OCA2: variants seen among roughly 807,000 people sequenced by gnomAD.
The protein encoded by OCA2 is P protein.
A neutral mutation model predicts 100.2 loss-of-function variants in OCA2; 77 were observed. The observed-to-expected ratio is 0.77, with a 90% confidence interval of 0.64 to 0.93. The LOEUF (loss-of-function observed/expected upper bound fraction) is 0.93. Among genes scored for constraint, OCA2 ranks in the 40% least tolerant of loss-of-function variants. The pLI is 0.00. For synonymous variants in OCA2, 432 were observed against 439.2 expected (o/e 0.98, Z 0.21); for missense variants, 1,062 against 1,089.1 (o/e 0.98, Z 0.35).
chr15:27,871,948 A>G, intron 19 of OCA2, 26 bp from the exon 20 acceptor site: 2 of 1,562,286 alleles, frequency 1.3e-6, no homozygotes, highest in Non-Finnish European at 1.8e-6. Flanking sequence ...TGTGGTGAGA[A>G]TCAGTTTAGA....
At chr15:27,927,945 C>T (rs1381501086) in intron 18 of OCA2, among the ~76,000 whole-genome samples, 6 of 152,034 alleles carry the variant, frequency 3.9e-5, no homozygotes, top group Admixed American at 3.9e-4. Flanking sequence ...GTGTGCACCA[C>T]CATGCCCAGC....
intron 21 of OCA2, among the ~76,000 whole-genome samples, chr15:27,863,595 C>T (rs555039034): frequency 6.6e-6 from 1 of 152,118 alleles, no homozygotes. Flanking sequence ...GGGTAAAGGG[C>T]TGTGCTTTTT....
chr15:27,867,751 A>G (rs1388002603), intron 21 of OCA2, among the ~76,000 whole-genome samples: 3 of 152,228 alleles, frequency 2.0e-5, no homozygotes, highest in African/African-American at 7.2e-5. Context: ...CAACACAACG[A>G]CATGCTTATG....
intron 23 of OCA2, among the ~76,000 whole-genome samples, chr15:27,826,074 C>A (rs547373420): frequency 2.0e-5 from 3 of 152,274 alleles, no homozygotes; most frequent in African/African-American, 7.2e-5. Flanking sequence ...CCATGAGCCA[C>A]CATTAGGAGC....
chr15:28,004,356 G>A (rs925301145), intron 9 of OCA2, among the ~76,000 whole-genome samples: 6 of 152,204 alleles, frequency 3.9e-5, no homozygotes, highest in Admixed American at 3.3e-4. Flanking sequence ...CCCAGAGCAC[G>A]CGCTCTGGAA....
At chr15:27,997,217 GAAAGAAAGA>G (rs1248686013) in intron 9 of OCA2, among the ~76,000 whole-genome samples, 301 of 128,226 alleles carry the variant, frequency 2.3e-3, no homozygotes, top group South Asian at 4.0e-3. Flanking sequence ...TAAAGGAAAG[GAAAGAAAGA>G]AAGGAAGGAA....
chr15:27,980,080 T>C (rs1471898263), intron 14 of OCA2, among the ~76,000 whole-genome samples: 2 of 152,006 alleles, frequency 1.3e-5, no homozygotes, highest in Non-Finnish European at 2.9e-5. Flanking sequence ...TCTACTTACA[T>C]GTTACATTAC....
At chr15:27,797,416 T>G (rs546419493) in intron 23 of OCA2, among the ~76,000 whole-genome samples, 1 of 152,272 alleles carries the variant, frequency 6.6e-6, no homozygotes, top group Admixed American at 6.5e-5. Flanking sequence ...GTGCTAGACC[T>G]TGACCTTAAG....
intron 21 of OCA2, among the ~76,000 whole-genome samples, chr15:27,865,651 A>T (rs1160778958): frequency 2.0e-5 from 3 of 152,170 alleles, no homozygotes; most frequent in South Asian, 4.1e-4. Flanking sequence ...GTGTTTGGTT[A>T]GCGCCAACCC....
At chr15:27,903,700 G>A (rs1595611865) in intron 19 of OCA2, among the ~76,000 whole-genome samples, 1 of 152,184 alleles carries the variant, frequency 6.6e-6, no homozygotes, top group African/African-American at 2.4e-5. Context: ...ATGGCTTCAA[G>A]GCCTGGGAAC....
At chr15:27,735,016 A>T in the OCA2 span, among the ~76,000 whole-genome samples, 1 of 152,234 alleles carries the variant, frequency 6.6e-6, no homozygotes, top group Non-Finnish European at 1.5e-5. Flanking sequence ...GAGCCTAAAA[A>T]AATGAAGATA....
chr15:27,927,106 A>G (rs982331069), intron 18 of OCA2, among the ~76,000 whole-genome samples: 7 of 152,302 alleles, frequency 4.6e-5, no homozygotes, highest in Admixed American at 1.3e-4. Flanking sequence ...CCTGACCAAC[A>G]TGGAGAAACC....
At chr15:28,026,989 G>C (rs564361248) in intron 4 of OCA2, among the ~76,000 whole-genome samples, 1 of 152,246 alleles carries the variant, frequency 6.6e-6, no homozygotes, top group Non-Finnish European at 1.5e-5. Context: ...AAGGCCCTGC[G>C]ATGGGCGCTC....
chr15:28,023,899 A>T (rs2042669461), intron 5 of OCA2, among the ~76,000 whole-genome samples: 1 of 152,104 alleles, frequency 6.6e-6, no homozygotes, highest in Admixed American at 6.5e-5. Context: ...GGCACAGGGG[A>T]CCATACACCC....
intron 23 of OCA2, among the ~76,000 whole-genome samples, chr15:27,786,507 T>G (rs1267830884): frequency 6.6e-6 from 1 of 152,214 alleles, no homozygotes; most frequent in Non-Finnish European, 1.5e-5. Flanking sequence ...TGCACTTCTT[T>G]TGCTAAAATT....
At chr15:28,022,226 G>A (rs2042616196) in intron 6 of OCA2, among the ~76,000 whole-genome samples, 1 of 152,190 alleles carries the variant, frequency 6.6e-6, no homozygotes, top group South Asian at 2.1e-4. Context: ...GAGTATCGGG[G>A]AGCTAGGGAA....
intron 23 of OCA2, among the ~76,000 whole-genome samples, chr15:27,762,764 T>G (rs1386410816): frequency 6.6e-6 from 1 of 152,190 alleles, no homozygotes; most frequent in Non-Finnish European, 1.5e-5. Flanking sequence ...TGGGCCTAAG[T>G]CTTAATGGAC....
At chr15:28,025,222 T>G (rs1178742997) in intron 4 of OCA2, among the ~76,000 whole-genome samples, 1 of 152,206 alleles carries the variant, frequency 6.6e-6, no homozygotes, top group African/African-American at 2.4e-5. Context: ...GGAAAAAAAG[T>G]AAACTGAATG....
At chr15:27,731,971 G>C in the OCA2 span, among the ~76,000 whole-genome samples, 1 of 152,212 alleles carries the variant, frequency 6.6e-6, no homozygotes, top group Admixed American at 6.5e-5. Context: ...TTTCAGGCGA[G>C]ACCCCTGGAG....
Sources: allele counts gnomAD v4.1 joint callset (sites outside exome capture counted in the v4.1 genomes callset), GRCh38; gene constraint gnomAD v4.1.1; transcripts MANE v1.5; gene names NCBI Gene and HGNC (gene_info 2026-07-23, HGNC 2026-07-21).